RAVER1: variants seen among roughly 807,000 people sequenced by gnomAD.
RAVER1 encodes the protein ribonucleoprotein PTB-binding 1.
RAVER1 carries 36 observed loss-of-function variants against 68.4 expected under a neutral mutation model. The observed-to-expected ratio is 0.53, with a 90% CI of 0.40 to 0.70. The LOEUF (loss-of-function observed/expected upper bound fraction) is 0.70, where lower values mean the gene tolerates loss of function less well. Among genes scored for constraint, RAVER1 ranks in the 30% least tolerant of loss-of-function variants. The pLI, the probability that RAVER1 is intolerant of heterozygous loss-of-function variation, is 0.00. For missense variants in RAVER1, 933 were observed against 1,019.8 expected, an observed-to-expected ratio of 0.91 and a Z score of 1.16; for synonymous variants, 469 against 472.7, an observed-to-expected ratio of 0.99 and a Z score of 0.10.
chr19:10,326,358 T>C (rs2040474646), intron 3 of RAVER1, among the ~76,000 whole-genome samples: 1 of 152,272 alleles, frequency 6.6e-6, no homozygotes, highest in African/African-American at 2.4e-5. Flanking sequence ...GCCTGGTACG[T>C]AGCAGGTGTC....
At chr19:10,326,190 G>A (rs535005660) in intron 3 of RAVER1, among the ~76,000 whole-genome samples, 1 of 152,316 alleles carries the variant, frequency 6.6e-6, no homozygotes, top group East Asian at 1.9e-4. Context: ...AGGAGGCGGA[G>A]GATGCAGTGA....
chr19:10,321,278 T>C lies in RAVER1; in HGVS notation c.1262-19A>G. The stretch of plus-strand genomic sequence containing the variant: ...CCCCCTCCTAGGGAGGGAAGGAGGA[T>C]TTCAGGGGCCCAGGCTCACAGGACC... On this transcript the variant is annotated intron_variant, in intron 7 of 12. Transcript: ENST00000617231. 8.2e-7 allele frequency: 1 copy of C among 1,213,760 alleles called. No individual in the cohort carries two copies. The highest frequency in any genetic ancestry group is 1.0e-6 in the Non-Finnish European group (1 of 954,542). 75.2% of individuals were successfully genotyped at this position (1,213,760 alleles called of 1,614,324 possible).
At chr19:10,326,755 G>GTTTTTTT (rs34915880) in intron 3 of RAVER1, among the ~76,000 whole-genome samples, 9 of 114,410 alleles carry the variant, frequency 7.9e-5, no homozygotes, top group Admixed American at 1.9e-4. Context: ...CGCCTGGCCT[G>GTTTTTTT]TTTTTTTTTT....
chr19:10,332,039 G>A (rs1568314409), intron 1 of RAVER1, among the ~76,000 whole-genome samples: 1 of 151,982 alleles, frequency 6.6e-6, no homozygotes, highest in Non-Finnish European at 1.5e-5. Context: ...CTGTCACCTA[G>A]GCTAGAGTGT....
chr19:10,330,687 A>G (rs1434289310), intron 1 of RAVER1, among the ~76,000 whole-genome samples, 161 bp from the exon 2 acceptor site: 1 of 152,224 alleles, frequency 6.6e-6, no homozygotes, highest in African/African-American at 2.4e-5. Context: ...TGTCAAGGTC[A>G]TTCTGCTCAT....
At chr19:10,324,070 C>T (rs1440110116) in intron 3 of RAVER1, among the ~76,000 whole-genome samples, 1 of 151,296 alleles carries the variant, frequency 6.6e-6, no homozygotes, top group Non-Finnish European at 1.5e-5. Flanking sequence ...AAGAGAGTCA[C>T]TTGAACCTGT....
Position 10,317,610 on chromosome 19 carries a change from GAGGGC to G in RAVER1, c.2074-15_2074-11del, listed in dbSNP as rs899147618. 3 of 1,599,446 alleles carry G rather than the reference GAGGGC, an allele frequency of 1.9e-6. No individual in the cohort carries two copies. In the African/African-American group the frequency reaches 4.0e-5, roughly 21 times the overall value. On this transcript the variant is annotated splice_polypyrimidine_tract_variant and intron_variant, in intron 12 of 12. Transcript: ENST00000617231. The surrounding 1 kb of genome is among the most constrained non-coding windows in gnomAD (Gnocchi z 4.3). ...GGCCGCCCAGTGGGGTCTGGAGACAGAGGGCAGGGCGGGGCGGGTCAGGGGCCGCT... is the reference window on the plus strand; with the variant it reads ...GGCCGCCCAGTGGGGTCTGGAGACAGAGGGCGGGGCGGGTCAGGGGCCGCT...
Position 10,322,166 on chromosome 19 carries a change from C to T in RAVER1, c.1173+479G>A, listed in dbSNP as rs2040442683. 1 of 169,066 alleles carries T rather than the reference C, an allele frequency of 5.9e-6. No homozygotes were observed. Among genetic ancestry groups the T allele is most frequent in the African/African-American group, 2.4e-5 (1 of 41,702 alleles). 10.5% of individuals were successfully genotyped at this position (169,066 alleles called of 1,614,324 possible). ...GTCTTATGTCTTTGTGTGTCTATGT[C>T]TCTGTGTGTATATTTGCATCTTTGT... On this transcript the variant is annotated intron_variant, in intron 6 of 12. Coordinates refer to ENST00000617231, the MANE Select transcript of RAVER1 (RefSeq NM_133452.3). This position sits in a 1 kb window ranked among gnomAD's most constrained non-coding sequence, Gnocchi z 4.3.
At chr19:10,318,640 G>C (rs933086597) in intron 10 of RAVER1, among the ~76,000 whole-genome samples, 1 of 152,096 alleles carries the variant, frequency 6.6e-6, no homozygotes, top group Non-Finnish European at 1.5e-5. Flanking sequence ...GATTACAGGC[G>C]TGAGCCACCA....
Position 10,320,714 on chromosome 19 carries a change from T to TGCTGAGGGG in RAVER1, c.1702_1710dup (p.Pro568_Ser570dup). 6.5e-7 allele frequency: 1 copy of TGCTGAGGGG among 1,538,668 alleles called. No homozygotes were observed. On this transcript the variant is annotated inframe_insertion, in exon 9 of 13. Transcript: ENST00000617231. Reference sequence around the variant, plus strand: ...CCTGGTTCGGGGGGCAGGCGGGCGCTGCTGAGGGGGCTGAGCAGGCGGGAC... The same window carrying TGCTGAGGGG: ...CCTGGTTCGGGGGGCAGGCGGGCGCTGCTGAGGGGGCTGAGGGGGCTGAGCAGGCGGGAC...
chr19:10,321,010 G>C, intron 8 of RAVER1, 38 bp downstream of exon 8: 1 of 1,475,700 alleles, frequency 6.8e-7, no homozygotes. Flanking sequence ...TGCGGAACAG[G>C]AGGCTGGTGT....
intron 3 of RAVER1, among the ~76,000 whole-genome samples, chr19:10,325,144 C>T (rs1412144826): frequency 2.0e-5 from 3 of 152,170 alleles, no homozygotes; most frequent in African/African-American, 7.2e-5. Context: ...CCTCAGCTTC[C>T]CGAGTAGCTG....
In RAVER1 at chr19:10,328,148, G is replaced by C. The variant is rs532943890; in HGVS notation, c.756+494C>G. ...GTCCAGGTCTGGGACCCCATGGGAG[G>C]TTTGACGAGGGTACCAGCGAATGAG... On this transcript the variant is annotated intron_variant, in intron 3 of 12. Coordinates refer to ENST00000617231, the MANE Select transcript of RAVER1 (RefSeq NM_133452.3). This position sits in a 1 kb window ranked among gnomAD's most constrained non-coding sequence, Gnocchi z 4.4. Among the ~76,000 whole-genome samples, 69 of 152,302 alleles carry C rather than the reference G, an allele frequency of 4.5e-4. 1 individual carries two copies. The South Asian group carries it at 0.014, about 32-fold the overall frequency.
chr19:10,332,919 A>C (rs1202151779), intron 1 of RAVER1, among the ~76,000 whole-genome samples: 1 of 152,160 alleles, frequency 6.6e-6, no homozygotes, highest in African/African-American at 2.4e-5. Flanking sequence ...ACCCTGTGGT[A>C]GAGTGGGTGG....
chr19:10,318,285 T>C lies in RAVER1; in HGVS notation c.1933A>G (p.Thr645Ala), dbSNP rs2040409172. The change falls in exon 11 of 13, where the codon ACT becomes GCT. Residue 645 changes from threonine (T) to alanine (A), a missense_variant. By Grantham distance (58) the Thr-to-Ala change is moderately conservative (BLOSUM62 0). Transcript: ENST00000617231. Reference protein sequence around the residue: ...PLSHFYSGSPTSYFTSGLQAG... With the variant: ...PLSHFYSGSPASYFTSGLQAG... ...TGCAGGCCGCTGGTGAAGTAGGAAG[T>C]GGGCGAGCCTGAATAGAAGTGAGAC... 6.2e-7 allele frequency: 1 copy of C among 1,600,832 alleles called. No individual in the cohort carries two copies. Among genetic ancestry groups the C allele is most frequent in the Non-Finnish European group, 8.5e-7 (1 of 1,175,658 alleles).
rs373831352 is a variant in RAVER1 at position 10,329,796 on chromosome 19, G to A, written c.286+664C>T. Among the ~76,000 whole-genome samples, 1 of 152,116 alleles carries A rather than the reference G, an allele frequency of 6.6e-6. No individual in the cohort carries two copies. Reference sequence around the variant, plus strand: ...AGCTGCAGGGTGCAGTGCAGCCTGTGCGGGCTCGCTGACCTCCCCTCCCAT... The same window carrying A: ...AGCTGCAGGGTGCAGTGCAGCCTGTACGGGCTCGCTGACCTCCCCTCCCAT... On this transcript the variant is annotated intron_variant, in intron 2 of 12. Coordinates refer to ENST00000617231, the MANE Select transcript of RAVER1 (RefSeq NM_133452.3). The surrounding 1 kb of genome is among the most constrained non-coding windows in gnomAD (Gnocchi z 4.6).
At chr19:10,332,290 G>A (rs1053240781) in intron 1 of RAVER1, among the ~76,000 whole-genome samples, 6 of 152,158 alleles carry the variant, frequency 3.9e-5, no homozygotes, top group African/African-American at 1.4e-4. Flanking sequence ...GAGCCACCAT[G>A]CCCAGCCTCT....
At position 10,328,981 on chromosome 19, in the gene RAVER1, C is replaced by A; in HGVS notation, c.417G>T (p.Leu139=). The change falls in exon 3 of 13, where the codon CTG becomes CTT. Residue 139 remains leucine (L), a synonymous_variant. Coordinates refer to ENST00000617231, the MANE Select transcript of RAVER1 (RefSeq NM_133452.3). The surrounding 1 kb of genome is among the most constrained non-coding windows in gnomAD (Gnocchi z 4.4). ...ACTGCTGCTGTGTGAGGCTGGGGGG[C>A]AGGTTGGCCACACACAGCAGGGCAT... ...PTDALLCVAN[L]PPSLTQQQFE... 1 of 1,594,712 alleles carries A rather than the reference C, an allele frequency of 6.3e-7. No homozygotes were observed. The highest frequency in any genetic ancestry group is 1.3e-5 in the African/African-American group (1 of 74,760).
rs2040457544 is a variant in RAVER1 at position 10,323,999 on chromosome 19, T to A, written c.757-433A>T. Among the ~76,000 whole-genome samples, 1 of 151,832 alleles carries A rather than the reference T, an allele frequency of 6.6e-6. No individual in the cohort carries two copies. The highest frequency in any genetic ancestry group is 1.5e-5 in the Non-Finnish European group (1 of 67,974). ...CCCCGTCTCTACTAAAAATACAAAA[T>A]TAGCCAGGCGTGGTGGCACATGCCT... is the stretch of plus-strand genomic sequence containing the variant. On this transcript the variant is annotated intron_variant, in intron 3 of 12. Coordinates refer to ENST00000617231, the MANE Select transcript of RAVER1 (RefSeq NM_133452.3). This position sits in a 1 kb window ranked among gnomAD's most constrained non-coding sequence, Gnocchi z 6.2.
Sources: gnomAD v4.1 joint callset for allele counts (sites outside exome capture counted in the v4.1 genomes callset) on GRCh38, gnomAD v4.1.1 for gene constraint, Gnocchi (gnomAD v3.1) non-coding constraint, MANE v1.5 for transcripts, NCBI Gene and HGNC (gene_info 2026-07-23, HGNC 2026-07-21) for gene names.